The following CLN8 variants were observed in gnomAD, a reference collection of about 807,000 sequenced individuals.
The protein encoded by CLN8 is protein CLN8.
In CLN8, 14 loss-of-function variants were observed where a neutral mutation model predicts 15.7. The observed-to-expected ratio is 0.89, with a 90% CI of 0.59 to 1.39. The LOEUF (loss-of-function observed/expected upper bound fraction) is 1.39. Ranked by LOEUF, CLN8 falls within the 40% of genes most tolerant of loss-of-function variation. The pLI, the probability that CLN8 is intolerant of heterozygous loss-of-function variation, is 0.00. For synonymous variants in CLN8, 188 were observed against 151.0 expected (o/e 1.25, Z -1.80); for missense variants, 415 against 364.0 (o/e 1.14, Z -1.14).
chr8:1,757,281 AC>A (rs1428723202), intron 1 of CLN8, among the ~76,000 whole-genome samples: 2 of 152,192 alleles, frequency 1.3e-5, no homozygotes, highest in Non-Finnish European at 2.9e-5. Context: ...AGCAGCAGCA[AC>A]CTGCTTCTCA....
chr8:1,771,412 G>A lies in CLN8; in HGVS notation c.358G>A (p.Ala120Thr), dbSNP rs1353274959. The A allele has an allele frequency of 2.5e-6, 4 of 1,614,062 alleles. No individual in the cohort carries two copies. Among genetic ancestry groups the A allele is most frequent in the African/African-American group, 2.7e-5 (2 of 74,924 alleles). Residue 120 changes from alanine (A) to threonine (T), a missense_variant, in exon 2 of 3, where the codon GCA becomes ACA. Transcript: ENST00000331222. ...GGGATTCTTTTGCTTTGAAAATGTT[G>A]CAGTCCACCTGTCCAACTTGATCTT... ...ATGFFCFENV[A>T]VHLSNLIFRT... is the part of the protein sequence containing the mutation.
In CLN8 at chr8:1,771,171, T is replaced by G. The variant is rs201670636; in HGVS notation, c.117T>G (p.Phe39Leu). 2.4e-5 allele frequency: 38 copies of G among 1,614,090 alleles called. No individual in the cohort carries two copies. In the East Asian group the frequency reaches 8.5e-4, roughly 36 times the overall value. ...VAGFVFYLGV[F>L]VVCHQLSSSL... is the part of the protein sequence containing the mutation. ...GCTTTGTCTTCTACTTGGGCGTCTT[T>G]GTGGTCTGCCACCAGCTGTCCTCTT... Residue 39 changes from phenylalanine (F) to leucine (L), a missense_variant, in exon 2 of 3, where the codon TTT becomes TTG. Phe to Leu is a conservative substitution (Grantham distance 22). Coordinates refer to ENST00000331222, the MANE Select transcript of CLN8 (RefSeq NM_018941.4).
At chr8:1,772,020 C>A (rs960384279) in intron 2 of CLN8, among the ~76,000 whole-genome samples, 2 of 152,036 alleles carry the variant, frequency 1.3e-5, no homozygotes, top group African/African-American at 2.4e-5. Context: ...ACTGCAACCT[C>A]CGCCTCCTGG....
intron 2 of CLN8, among the ~76,000 whole-genome samples, chr8:1,776,359 C>A (rs1179499545): frequency 6.6e-6 from 1 of 151,480 alleles, no homozygotes; most frequent in Non-Finnish European, 1.5e-5. Flanking sequence ...GCATGTGGCC[C>A]CGCTCCTGTA....
intron 1 of CLN8, 46 bp downstream of exon 1, chr8:1,763,931 G>GGGCA: frequency 6.6e-6 from 1 of 150,840 alleles, no homozygotes; most frequent in Admixed American, 6.6e-5. Flanking sequence ...CCCAGGTGAG[G>GGGCA]GGCAGCCCAG....
At position 1,771,533 on chromosome 8, in the gene CLN8, C is replaced by G. The variant is rs749542144; in HGVS notation, c.479C>G (p.Ala160Gly). ...AATCTCCAAGCTGGCCACTATCTAGCTATGACCACGTTGCTCCTGGAGATG... is the reference window on the plus strand; with the variant it reads ...AATCTCCAAGCTGGCCACTATCTAGGTATGACCACGTTGCTCCTGGAGATG... ...LVNLQAGHYL[A>G]MTTLLLEMST... Residue 160 changes from alanine (A) to glycine (G), a missense_variant, in exon 2 of 3, where the codon GCT becomes GGT. Coordinates refer to ENST00000331222, the MANE Select transcript of CLN8 (RefSeq NM_018941.4). 6.2e-7 allele frequency: 1 copy of G among 1,614,188 alleles called. No homozygotes were observed. The highest frequency in any genetic ancestry group is 8.5e-7 in the Non-Finnish European group (1 of 1,180,048).
At chr8:1,753,462 T>C (rs1169729143), upstream of CLN8, among the ~76,000 whole-genome samples, 4 of 147,762 alleles carry the variant, frequency 2.7e-5, no homozygotes, top group Non-Finnish European at 3.0e-5. Context: ...TCCCAGCTAC[T>C]CGGGAGGCTG....
chr8:1,783,800 CGAG>C lies in CLN8; in HGVS notation c.*3237_*3239del, dbSNP rs1465064383. ...TGGGCACTGTTGATTCCACTTCTGT[CGAG>C]GAGCTTCGGGGCTCAGAGAGGTGAT... On this transcript the variant is annotated 3_prime_UTR_variant, in exon 3 of 3. Coordinates refer to ENST00000331222, the MANE Select transcript of CLN8 (RefSeq NM_018941.4). The C allele has an allele frequency of 1.3e-5, 2 of 152,304 alleles. No individual in the cohort carries two copies. Among genetic ancestry groups the C allele is most frequent in the East Asian group, 3.9e-4 (2 of 5,176 alleles). The allele number at this position is 152,304 out of a possible 1,614,324, so 9.4% of individuals were successfully genotyped here.
At chr8:1,760,870 C>T (rs1356498759), upstream of CLN8, among the ~76,000 whole-genome samples, 1 of 152,128 alleles carries the variant, frequency 6.6e-6, no homozygotes, top group Admixed American at 6.5e-5. Context: ...GTTTCAAAGG[C>T]ATCTTGTATC....
chr8:1,753,299 G>A (rs796608055), upstream of CLN8, among the ~76,000 whole-genome samples: 35 of 108,768 alleles, frequency 3.2e-4, no homozygotes, highest in African/African-American at 8.6e-4. Context: ...GGCTGGGCGC[G>A]GTGGCTCATG....
At chr8:1,760,684 G>A (rs1467624078), upstream of CLN8, among the ~76,000 whole-genome samples, 1 of 152,014 alleles carries the variant, frequency 6.6e-6, no homozygotes. Context: ...GCTGTTAGTA[G>A]GAATCTAAGG....
At chr8:1,773,605 G>C (rs1163015850) in intron 2 of CLN8, 2 of 152,258 alleles carry the variant, frequency 1.3e-5, no homozygotes, top group Non-Finnish European at 2.9e-5. Context: ...GCAGCTTGCA[G>C]TTTTCCAGTT....
upstream of CLN8, chr8:1,763,061 G>C (rs985219096): frequency 2.0e-5 from 3 of 152,216 alleles, no homozygotes; most frequent in Non-Finnish European, 4.4e-5. Flanking sequence ...CAAAAACTCA[G>C]GTGTGGGCGC....
At chr8:1,776,259 CTGTG>C (rs1462741959) in intron 2 of CLN8, among the ~76,000 whole-genome samples, 1 of 152,234 alleles carries the variant, frequency 6.6e-6, no homozygotes, top group African/African-American at 2.4e-5. Flanking sequence ...AAGCTGGAAT[CTGTG>C]AGGGGCAGCT....
intron 1 of CLN8, chr8:1,764,531 C>T (rs1374464657): frequency 6.6e-6 from 1 of 152,588 alleles, no homozygotes; most frequent in East Asian, 1.9e-4. Flanking sequence ...GGTGTGGCCT[C>T]CACTGGTCAC....
At chr8:1,776,560 C>G (rs1801524939) in intron 2 of CLN8, among the ~76,000 whole-genome samples, 2 of 151,606 alleles carry the variant, frequency 1.3e-5, no homozygotes, top group Admixed American at 6.6e-5. Flanking sequence ...GGAATCTGGA[C>G]TCTGTGAGGG....
chr8:1,779,836 C>T, intron 2 of CLN8: 2 of 468,190 alleles, frequency 4.3e-6, no homozygotes, highest in Non-Finnish European at 5.6e-6. Flanking sequence ...GACCTCATCA[C>T]TTCCCAGGGT....
In CLN8 at chr8:1,771,258, C is replaced by T. The variant is rs771203701; in HGVS notation, c.204C>T (p.Ala68=). The change falls in exon 2 of 3, where the codon GCC becomes GCT. Residue 68 remains alanine, a synonymous_variant. Coordinates refer to ENST00000331222, the MANE Select transcript of CLN8 (RefSeq NM_018941.4). ...AREKVFWDLA[A]TRAVFGVQST... ...AGAAGGTCTTCTGGGACCTGGCGGC[C>T]ACGCGTGCAGTCTTTGGTGTTCAGA... The T allele has an allele frequency of 2.5e-6, 4 of 1,613,416 alleles. No homozygotes were observed. Among genetic ancestry groups the T allele is most frequent in the South Asian group, 1.1e-5 (1 of 91,076 alleles).
rs1047226814 is a variant in CLN8 at position 1,785,302 on chromosome 8, A to G, written c.*4735A>G. 744 of 114,536 alleles carry G rather than the reference A, an allele frequency of 6.5e-3. 1 individual carries two copies. The highest frequency in any genetic ancestry group is 0.019 in the Middle Eastern group (4 of 208). 7.1% of individuals were successfully genotyped at this position (114,536 alleles called of 1,614,324 possible). ...GACAGGTACCGGTCAGACTACGGTG[A>G]CACAGGCGGCGTGCGGTTAGACAGG... On this transcript the variant is annotated 3_prime_UTR_variant, in exon 3 of 3. Transcript: ENST00000331222.
Sources: gnomAD v4.1 joint callset for allele counts (sites outside exome capture counted in the v4.1 genomes callset) on GRCh38, gnomAD v4.1.1 for gene constraint, MANE v1.5 for transcripts, NCBI Gene and HGNC (gene_info 2026-07-23, HGNC 2026-07-21) for gene names.